MALRD1: variants seen among roughly 807,000 people sequenced by gnomAD.
The protein encoded by MALRD1 is MAM and LDL-receptor class A domain-containing protein 1.
Under a neutral mutation model 242.1 loss-of-function variants are expected in MALRD1, and 247 were observed. The observed-to-expected ratio is 1.02, with a 90% CI of 0.92 to 1.13. The LOEUF (loss-of-function observed/expected upper bound fraction) is 1.13. Among genes scored for constraint, MALRD1 ranks in the 50% most tolerant of loss-of-function variants. The probability of loss-of-function intolerance (pLI) is 0.00; values close to 1 mark genes in which losing one functional copy is unlikely to be tolerated. For missense variants in MALRD1, 2,989 were observed against 2,533.1 expected (o/e 1.18, Z -3.86); for synonymous variants, 995 against 866.6 (o/e 1.15, Z -2.60).
intron 34 of MALRD1, among the ~76,000 whole-genome samples, chr10:19,601,280 A>G (rs949932238): frequency 6.6e-6 from 1 of 152,122 alleles, no homozygotes; most frequent in Non-Finnish European, 1.5e-5. Context: ...TAAGTTTTCC[A>G]TGAATTTTAT....
chr10:19,392,895 G>A (rs1344294754), intron 28 of MALRD1, among the ~76,000 whole-genome samples: 1 of 152,144 alleles, frequency 6.6e-6, no homozygotes, highest in Non-Finnish European at 1.5e-5. Flanking sequence ...CTCACTCTCT[G>A]CTTCAACCAA....
At chr10:19,438,885 C>G (rs1379996612) in intron 28 of MALRD1, among the ~76,000 whole-genome samples, 1 of 152,084 alleles carries the variant, frequency 6.6e-6, no homozygotes, top group Non-Finnish European at 1.5e-5. Flanking sequence ...AGGATCTATC[C>G]CAGGCTCTTC....
intron 34 of MALRD1, among the ~76,000 whole-genome samples, chr10:19,603,039 G>A (rs955541365): frequency 3.3e-5 from 5 of 151,978 alleles, no homozygotes; most frequent in African/African-American, 9.7e-5. Flanking sequence ...CTGTTGATGG[G>A]GTTGTTTTTT....
At chr10:19,125,889 T>C (rs1303253961) in intron 7 of MALRD1, among the ~76,000 whole-genome samples, 3 of 152,124 alleles carry the variant, frequency 2.0e-5, no homozygotes, top group Non-Finnish European at 4.4e-5. Context: ...ATGCTTTCCT[T>C]CTTGGTTCCC....
chr10:19,547,392 C>T (rs529199746), intron 32 of MALRD1, among the ~76,000 whole-genome samples: 57 of 152,178 alleles, frequency 3.7e-4, no homozygotes, highest in African/African-American at 1.3e-3. Context: ...CACCCAGTCA[C>T]TAGGGATTAG....
intron 29 of MALRD1, among the ~76,000 whole-genome samples, chr10:19,479,774 T>C (rs1681801924): frequency 6.6e-6 from 1 of 152,150 alleles, no homozygotes; most frequent in South Asian, 2.1e-4. Context: ...GGCTTTTCTA[T>C]TGAATTTACT....
chr10:19,602,427 T>A (rs966708003), intron 34 of MALRD1, among the ~76,000 whole-genome samples: 10 of 147,696 alleles, frequency 6.8e-5, no homozygotes, highest in Non-Finnish European at 1.3e-4. Context: ...TTCCCATCTA[T>A]GAGTGAGAAC....
intron 39 of MALRD1, among the ~76,000 whole-genome samples, chr10:19,732,624 T>C (rs1332839471): frequency 6.6e-6 from 1 of 152,168 alleles, no homozygotes; most frequent in Non-Finnish European, 1.5e-5. Context: ...AAGGTACACA[T>C]GAGATAAGGA....
chr10:19,702,934 C>T (rs759269603), intron 38 of MALRD1, among the ~76,000 whole-genome samples: 2 of 152,090 alleles, frequency 1.3e-5, no homozygotes, highest in African/African-American at 2.4e-5. Context: ...TTTTTAAAAA[C>T]ATGGAATGGA....
chr10:19,169,690 G>A (rs1208928025), intron 13 of MALRD1, among the ~76,000 whole-genome samples: 2 of 152,148 alleles, frequency 1.3e-5, no homozygotes, highest in East Asian at 3.9e-4. Context: ...GCTAGGTACA[G>A]TTCTACTTTG....
chr10:19,108,387 C>CTTTTTTTTTT lies in MALRD1; in HGVS notation c.694+4341_694+4350dup, dbSNP rs35948766. On this transcript the variant is annotated intron_variant, in intron 5 of 39. Coordinates refer to ENST00000454679, the MANE Select transcript of MALRD1 (RefSeq NM_001142308.3). Reference sequence around the variant, plus strand: ...TTATTGAGCTCATGAATTGTTTTTTCTTTTTTTTTTTTTTTTTTTTTTTTT... The same window carrying CTTTTTTTTTT: ...TTATTGAGCTCATGAATTGTTTTTTCTTTTTTTTTTTTTTTTTTTTTTTTTTTTTTTTTTT... Among the ~76,000 whole-genome samples, 98 of 19,764 alleles carry CTTTTTTTTTT rather than the reference C, an allele frequency of 5.0e-3. 48 individuals carry two copies. The highest frequency in any genetic ancestry group is 5.8e-3 in the Non-Finnish European group (73 of 12,506). The allele number at this position is 19,764 out of a possible 152,430, so 13.0% of individuals were successfully genotyped here.
At position 19,538,963 on chromosome 10, in the gene MALRD1, T is replaced by C. The variant is rs574794488; in HGVS notation, c.5478+7612T>C. On this transcript the variant is annotated intron_variant, in intron 32 of 39. Coordinates refer to ENST00000454679, the MANE Select transcript of MALRD1 (RefSeq NM_001142308.3). Reference sequence around the variant, plus strand: ...CCTAAATGAGTTTCAGTAAAACCCATAGGATAAGACATTTAGCATGTATAT... The same window carrying C: ...CCTAAATGAGTTTCAGTAAAACCCACAGGATAAGACATTTAGCATGTATAT... 3.3e-5 allele frequency among the ~76,000 whole-genome samples: 5 copies of C among 152,276 alleles called. No individual in the cohort carries two copies. The East Asian group carries it at 5.8e-4, about 18-fold the overall frequency.
intron 19 of MALRD1, among the ~76,000 whole-genome samples, chr10:19,265,342 T>C (rs1201163068): frequency 6.6e-6 from 1 of 152,050 alleles, no homozygotes; most frequent in Non-Finnish European, 1.5e-5. Flanking sequence ...TTCTGAATTT[T>C]TTTTATTTTT....
chr10:19,346,426 TG>T (rs1467914299), intron 24 of MALRD1, among the ~76,000 whole-genome samples: 7 of 152,164 alleles, frequency 4.6e-5, no homozygotes, highest in East Asian at 1.9e-4. Flanking sequence ...TGAACAATTG[TG>T]TAAATGAGGC....
At chr10:19,543,850 T>C (rs974263742) in intron 32 of MALRD1, among the ~76,000 whole-genome samples, 11 of 152,120 alleles carry the variant, frequency 7.2e-5, no homozygotes, top group African/African-American at 2.4e-4. Context: ...GCAACTGGAG[T>C]CTATGCTCCT....
intron 4 of MALRD1, among the ~76,000 whole-genome samples, chr10:19,088,593 T>TTTTTTTTTTTA (rs1835770373): frequency 1.5e-4 from 13 of 85,760 alleles, no homozygotes; most frequent in African/African-American, 8.0e-4. Flanking sequence ...TTATTTATTT[T>TTTTTTTTTTTA]TTTTTATTAT....
At position 19,146,180 on chromosome 10, in the gene MALRD1, C is replaced by T; in HGVS notation, c.1412-18C>T. 8.1e-7 allele frequency: 1 copy of T among 1,231,558 alleles called. No individual in the cohort carries two copies. Among genetic ancestry groups the T allele is most frequent in the Non-Finnish European group, 1.0e-6 (1 of 987,854 alleles). The allele number at this position is 1,231,558 out of a possible 1,614,324, so 76.3% of individuals were successfully genotyped here. A position where few individuals can be genotyped will look rare whatever the true frequency, so the allele number is the denominator to read the frequency against. The stretch of plus-strand genomic sequence containing the variant: ...CTCTTCATTTCTCCTCACCTGTTTT[C>T]TCTTCTACGTGTAACAGCAAAGCAT... On this transcript the variant is annotated intron_variant, in intron 10 of 39. Coordinates refer to ENST00000454679, the MANE Select transcript of MALRD1 (RefSeq NM_001142308.3).
chr10:19,183,829 A>C (rs1835625651), intron 14 of MALRD1, among the ~76,000 whole-genome samples: 1 of 152,200 alleles, frequency 6.6e-6, no homozygotes, highest in Admixed American at 6.5e-5. Context: ...GATTTAATCA[A>C]ATGTTTCCAT....
At chr10:19,307,274 A>T (rs1205134621) in intron 21 of MALRD1, among the ~76,000 whole-genome samples, 1 of 151,426 alleles carries the variant, frequency 6.6e-6, no homozygotes, top group Non-Finnish European at 1.5e-5. Context: ...TATTCCATTA[A>T]TTTGTCTAAG....
Sources: allele counts gnomAD v4.1 joint callset (sites outside exome capture counted in the v4.1 genomes callset), GRCh38; gene constraint gnomAD v4.1.1; transcripts MANE v1.5; gene names NCBI Gene and HGNC (gene_info 2026-07-23, HGNC 2026-07-21).